The following PLEC variants were observed in gnomAD, a reference collection of about 807,000 sequenced individuals.
PLEC encodes hemidesmosomal protein 1.
A neutral mutation model predicts 392.8 loss-of-function variants in PLEC; 216 were observed. That is an observed-to-expected ratio of 0.55 (90% confidence interval 0.49 to 0.62). The LOEUF (loss-of-function observed/expected upper bound fraction) is 0.62, where lower values mean the gene tolerates loss of function less well. PLEC is among the 20% of genes least tolerant of loss of function. The probability of loss-of-function intolerance (pLI) is 0.00; values close to 1 mark genes in which losing one functional copy is unlikely to be tolerated. For missense variants in PLEC, 6,863 were observed against 6,563.4 expected (o/e 1.05, Z -1.58); for synonymous variants, 3,621 against 2,980.6 (o/e 1.21, Z -7.00).
At chr8:143,936,701 G>A (rs560741903) in intron 5 of PLEC, among the ~76,000 whole-genome samples, 90 of 152,220 alleles carry the variant, frequency 5.9e-4, no homozygotes, top group Non-Finnish European at 1.1e-3. Context: ...GGCAGGCACC[G>A]GGGCCTGCAT....
chr8:143,930,161 G>C lies in PLEC; in HGVS notation c.2595C>G (p.Ala865=), dbSNP rs1554713055. 1 of 1,582,744 alleles carries C rather than the reference G, an allele frequency of 6.3e-7. No individual in the cohort carries two copies. The change falls in exon 21 of 32, where the codon GCC becomes GCG. Residue 865 remains alanine, a synonymous_variant. Transcript: ENST00000345136. ...CFLVPPPNQE[A]QEAVTRLEAQ... is the part of the protein sequence containing the mutation. The stretch of plus-strand genomic sequence containing the variant: ...CCACCCACCTGGTGACGGCCTCCTG[G>C]GCCTCCTGGTTGGGCGGGGGCACCA...
Position 143,933,989 on chromosome 8 carries a change from C to T in PLEC, c.1263+9G>A. 1 of 1,606,050 alleles carries T rather than the reference C, an allele frequency of 6.2e-7. No homozygotes were observed. On this transcript the variant is annotated intron_variant, in intron 12 of 31. Coordinates refer to ENST00000345136, the MANE Select transcript of PLEC (RefSeq NM_201384.3). ...CCTCCCGCCCACTGCCTGCCCCACACCCCCTCACCGACTGCAGCAGGGCGT... is the reference window on the plus strand; with the variant it reads ...CCTCCCGCCCACTGCCTGCCCCACATCCCCTCACCGACTGCAGCAGGGCGT...
At chr8:143,946,032 C>A (rs2132612743) in intron 1 of PLEC, among the ~76,000 whole-genome samples, 1 of 152,386 alleles carries the variant, frequency 6.6e-6, no homozygotes, top group Admixed American at 6.5e-5. Context: ...CGTTTCAGCC[C>A]ACTCCCTGCC....
In PLEC at chr8:143,927,317, C is replaced by T. The variant is rs782555191; in HGVS notation, c.3775G>A (p.Glu1259Lys). ...RQEQALLEEIERHGEKVEECQ... is the reference protein window; with the variant it reads ...RQEQALLEEIKRHGEKVEECQ... ...TCCTCGACCTTCTCGCCGTGGCGCT[C>T]GATCTCCTCCAGCAGGGCCTGGGTG... is the stretch of plus-strand genomic sequence containing the variant. Residue 1259 changes from glutamate (E) to lysine (K), a missense_variant, in exon 28 of 32, where the codon GAG (glutamate) becomes AAG (lysine). Coordinates refer to ENST00000345136, the MANE Select transcript of PLEC (RefSeq NM_201384.3). 41 of 1,613,022 alleles carry T rather than the reference C, an allele frequency of 2.5e-5. No individual in the cohort carries two copies. Among genetic ancestry groups the T allele is most frequent in the Admixed American group, 1.5e-4 (9 of 60,012 alleles).
Position 143,916,330 on chromosome 8 carries a change from G to A in PLEC, c.13491C>T (p.Ser4497=), listed in dbSNP as rs1453568015. ...AGSRTGSRTG[S]RAGSRRGSFD... ...AGCTGCCGCGGCGGGAGCCGGCCCG[G>A]GAGCCGGTGCGCGAGCCGGTGCGGG... The change falls in exon 32 of 32, where the codon TCC becomes TCT. Residue 4497 remains serine, a synonymous_variant. Transcript: ENST00000345136. 1.2e-5 allele frequency: 19 copies of A among 1,594,788 alleles called. No individual in the cohort carries two copies. In the Admixed American group the frequency reaches 3.3e-4, roughly 28 times the overall value.
In PLEC at chr8:143,925,209, C is replaced by T. The variant is rs914835478; in HGVS notation, c.4720G>A (p.Ala1574Thr). Residue 1574 changes from alanine to threonine, a missense_variant, in exon 31 of 32, where the codon GCA (alanine) becomes ACA (threonine). Ala to Thr is a moderately conservative substitution (Grantham distance 58). Transcript: ENST00000345136. ...QVALETAQRS[A>T]EAELQSKRAS... ...CGTTTGCTCTGCAGCTCCGCCTCTG[C>T]ACTGCGCTGCGCCGTCTCCAGGGCC... 54 of 1,587,744 alleles carry T rather than the reference C, an allele frequency of 3.4e-5. No individual in the cohort carries two copies. The highest frequency in any genetic ancestry group is 4.6e-5 in the Non-Finnish European group (54 of 1,175,486).
In PLEC at chr8:143,917,225, G is replaced by A; in HGVS notation, c.12596C>T (p.Ser4199Phe). The change falls in exon 32 of 32, where the codon TCC (serine) becomes TTC (phenylalanine). Residue 4199 changes from serine (S) to phenylalanine (F), a missense_variant. Physicochemically the swap from Ser to Phe is radical, Grantham distance 155 (BLOSUM62 -2). Coordinates refer to ENST00000345136, the MANE Select transcript of PLEC (RefSeq NM_201384.3). ...ATCATCGATGTCGTACTGGCGCCCG[G>A]AGCGGCGGTCGATGATCATGGACTT... ...VVKSMIIDRR[S>F]GRQYDIDDAI... 1 of 1,612,938 alleles carries A rather than the reference G, an allele frequency of 6.2e-7. No individual in the cohort carries two copies. The highest frequency in any genetic ancestry group is 8.5e-7 in the Non-Finnish European group (1 of 1,179,852).
intron 19 of PLEC, among the ~76,000 whole-genome samples, chr8:143,930,765 C>G (rs1587044814): frequency 6.6e-6 from 1 of 152,276 alleles, no homozygotes; most frequent in East Asian, 1.9e-4. Context: ...CTCACCCCAG[C>G]TCACCCACCA....
In PLEC at chr8:143,927,089, A is replaced by G. The variant is rs1295308428; in HGVS notation, c.3841-8T>C. ...CAGCTGGAGTTCATAGTCCTGTGGC[A>G]ATGCACTGCGGTCAGCCACCAGCTC... On this transcript the variant is annotated splice_polypyrimidine_tract_variant and splice_region_variant and intron_variant, in intron 28 of 31. Coordinates refer to ENST00000345136, the MANE Select transcript of PLEC (RefSeq NM_201384.3). The G allele has an allele frequency of 1.2e-6, 2 of 1,606,550 alleles. No homozygotes were observed. Among genetic ancestry groups the G allele is most frequent in the African/African-American group, 2.7e-5 (2 of 74,830 alleles).
At position 143,918,489 on chromosome 8, in the gene PLEC, G is replaced by C. The variant is rs1821348733; in HGVS notation, c.11332C>G (p.Gln3778Glu). ...VTGYRDPYTE[Q>E]TISLFQAMKK... ...ATGGCCTGGAAGAGCGAGATGGTCT[G>C]CTCGGTGTAGGGGTCACGGTAGCCG... The change falls in exon 32 of 32, where the codon CAG (glutamine) becomes GAG (glutamate). Residue 3778 changes from glutamine to glutamate, a missense_variant. Transcript: ENST00000345136. 3.1e-6 allele frequency: 5 copies of C among 1,600,434 alleles called. No individual in the cohort carries two copies. The South Asian group carries it at 3.3e-5, about 11-fold the overall frequency.
chr8:143,917,936 G>A lies in PLEC; in HGVS notation c.11885C>T (p.Thr3962Ile), dbSNP rs398123395. The change falls in exon 32 of 32, where the codon ACA becomes ATA. Residue 3962 changes from threonine to isoleucine, a missense_variant. Transcript: ENST00000345136. ...AMKKGIIRPG[T>I]AFELLEAQAA... ...CTGCGCCTCCAGGAGCTCAAAGGCTGTGCCGGGGCGGATGATGCCCTTCTT... is the reference window on the plus strand; with the variant it reads ...CTGCGCCTCCAGGAGCTCAAAGGCTATGCCGGGGCGGATGATGCCCTTCTT... 67 of 1,612,974 alleles carry A rather than the reference G, an allele frequency of 4.2e-5. No homozygotes were observed. The highest frequency in any genetic ancestry group is 3.0e-4 in the South Asian group (27 of 91,074).
Position 143,927,643 on chromosome 8 carries a change from C to T in PLEC, c.3523G>A (p.Glu1175Lys), listed in dbSNP as rs1554708161. 1.9e-6 allele frequency: 3 copies of T among 1,586,630 alleles called. No homozygotes were observed. The highest frequency in any genetic ancestry group is 4.6e-5 in the East Asian group (2 of 43,754). Reference sequence around the variant, plus strand: ...TGGGCGACCCGCTCCCGCCAGCGCTCCACCTCCACGTCCCGCTCCCCGTGC... The same window carrying T: ...TGGGCGACCCGCTCCCGCCAGCGCTTCACCTCCACGTCCCGCTCCCCGTGC... ...QRHGERDVEV[E>K]RWRERVAQLL... Residue 1175 changes from glutamate to lysine, a missense_variant, in exon 27 of 32, where the codon GAG becomes AAG. Glu to Lys is a moderately conservative substitution (Grantham distance 56). Coordinates refer to ENST00000345136, the MANE Select transcript of PLEC (RefSeq NM_201384.3).
chr8:143,926,981 T>C lies in PLEC; in HGVS notation c.3941A>G (p.Gln1314Arg). 6.2e-7 allele frequency: 1 copy of C among 1,612,924 alleles called. No individual in the cohort carries two copies. Among genetic ancestry groups the C allele is most frequent in the Middle Eastern group, 1.6e-4 (1 of 6,062 alleles). ...TTAGGTTCGGCCCCACCCTACCTCC[T>C]GGATGACACTCTCTGATCCCGACTG... ...KVQSGSESVI[Q>R]EYVDLRTHYS... The change falls in exon 29 of 32, where the codon CAG becomes CGG. Residue 1314 changes from glutamine to arginine, a missense_variant. Transcript: ENST00000345136.
chr8:143,945,315 C>T (rs1831296077), intron 1 of PLEC: 1 of 403,814 alleles, frequency 2.5e-6, no homozygotes, highest in Non-Finnish European at 5.1e-6. Flanking sequence ...GACGCCTCTC[C>T]TGGGCCACGG....
chr8:143,960,506 A>G (rs2132861003), intron 1 of PLEC, among the ~76,000 whole-genome samples: 1 of 151,648 alleles, frequency 6.6e-6, no homozygotes, highest in African/African-American at 2.4e-5. Context: ...AATCCCAGCT[A>G]CTCAGGAGGC....
At position 143,924,087 on chromosome 8, in the gene PLEC, G is replaced by C. The variant is rs782079372; in HGVS notation, c.5842C>G (p.Leu1948Val). ...TCCGCGTTGCTGCGGATGCGTCCCA[G>C]CTCCAGCTCCAGCTCCGCCTTGCCA... The part of the protein sequence containing the change: ...AAGKAELELE[L>V]GRIRSNAEDT... The change falls in exon 31 of 32, where the codon CTG (leucine) becomes GTG (valine). Residue 1948 changes from leucine (L) to valine (V), a missense_variant. Transcript: ENST00000345136. 1.3e-6 allele frequency: 2 copies of C among 1,597,980 alleles called. No individual in the cohort carries two copies. The highest frequency in any genetic ancestry group is 1.1e-5 in the South Asian group (1 of 90,956).
At chr8:143,928,135 G>T in intron 25 of PLEC, 143 bp from the exon 26 acceptor site, 1 of 1,000,540 alleles carries the variant, frequency 1.0e-6, no homozygotes, top group Non-Finnish European at 1.4e-6. Context: ...GTGGTCAGAG[G>T]CTTGCTTCAG....
upstream of PLEC, chr8:143,944,519 C>A: frequency 2.0e-6 from 1 of 507,848 alleles, no homozygotes; most frequent in Non-Finnish European, 3.4e-6. Context: ...TGGGTGAGGG[C>A]ACATGAGGCA....
Position 143,930,470 on chromosome 8 carries a change from C to T in PLEC, c.2371G>A (p.Val791Ile), listed in dbSNP as rs562442802. 3.3e-5 allele frequency: 52 copies of T among 1,590,214 alleles called. No homozygotes were observed. The South Asian group carries it at 3.9e-4, about 12-fold the overall frequency. Residue 791 changes from valine to isoleucine, a missense_variant, in exon 20 of 32, where the codon GTC (valine) becomes ATC (isoleucine). Physicochemically the swap from Val to Ile is conservative, Grantham distance 29. Coordinates refer to ENST00000345136, the MANE Select transcript of PLEC (RefSeq NM_201384.3). ...GGGTGGCGGGGCTTCAGCTGCACGA[C>T]GGCCTTGGCCCGCTTGGCCAGGCCT... is the stretch of plus-strand genomic sequence containing the variant. Reference protein sequence around the residue: ...LSGLAKRAKAVVQLKPRHPAH... With the variant: ...LSGLAKRAKAIVQLKPRHPAH...
Sources: allele counts gnomAD v4.1 joint callset (sites outside exome capture counted in the v4.1 genomes callset), GRCh38; gene constraint gnomAD v4.1.1; transcripts MANE v1.5; gene names NCBI Gene and HGNC (gene_info 2026-07-23, HGNC 2026-07-21).